The following GRID2 variants were observed in gnomAD, a reference collection of about 807,000 sequenced individuals.
GRID2 encodes the protein glutamate receptor ionotropic, delta-2.
Under a neutral mutation model 114.8 loss-of-function variants are expected in GRID2, and 33 were observed. The observed-to-expected ratio is 0.29, with a 90% CI of 0.22 to 0.38. GRID2 has a LOEUF of 0.38. GRID2 is among the 10% of genes least tolerant of loss of function. The pLI, the probability that GRID2 is intolerant of heterozygous loss-of-function variation, is 1.00. For missense variants in GRID2, 1,184 were observed against 1,257.7 expected (o/e 0.94, Z 0.89); for synonymous variants, 505 against 449.9 (o/e 1.12, Z -1.55).
At chr4:93,703,670 A>G (rs1300881621) in intron 14 of GRID2, among the ~76,000 whole-genome samples, 1 of 105,006 alleles carries the variant, frequency 9.5e-6, no homozygotes, top group African/African-American at 3.8e-5. Context: ...AACAGTCCCC[A>G]GTGTGTGATG....
At chr4:92,903,226 GC>G (rs909809444) in intron 2 of GRID2, among the ~76,000 whole-genome samples, 2 of 150,780 alleles carry the variant, frequency 1.3e-5, no homozygotes, top group African/African-American at 2.4e-5. Context: ...CATCTAATCT[GC>G]CATCTTGAAG....
intron 1 of GRID2, among the ~76,000 whole-genome samples, chr4:92,387,031 G>A (rs143121528): frequency 3.6e-4 from 55 of 151,994 alleles, no homozygotes; most frequent in Admixed American, 8.5e-4. Flanking sequence ...CAGAAAAGAC[G>A]TTTTTGGTCA....
chr4:93,364,031 G>A (rs1217964740), intron 8 of GRID2, among the ~76,000 whole-genome samples: 1 of 151,880 alleles, frequency 6.6e-6, no homozygotes, highest in South Asian at 2.1e-4. Context: ...ATATATGTGT[G>A]TTGTATTCAT....
chr4:92,953,851 CAA>C (rs1752198989), intron 2 of GRID2, among the ~76,000 whole-genome samples: 1 of 151,580 alleles, frequency 6.6e-6, no homozygotes, highest in African/African-American at 2.4e-5. Context: ...ACAACTGAAA[CAA>C]GTTTATGTAT....
intron 2 of GRID2, among the ~76,000 whole-genome samples, chr4:92,648,755 A>G (rs1323676414): frequency 2.0e-5 from 3 of 148,808 alleles, no homozygotes; most frequent in African/African-American, 7.6e-5. Flanking sequence ...TTAGAGTTAA[A>G]ACTTTAGTTC....
At chr4:92,869,690 CAG>C (rs1328044390) in intron 2 of GRID2, among the ~76,000 whole-genome samples, 2 of 152,150 alleles carry the variant, frequency 1.3e-5, no homozygotes, top group African/African-American at 2.4e-5. Context: ...CACATTCAGC[CAG>C]AGTGTTCAGC....
intron 1 of GRID2, among the ~76,000 whole-genome samples, chr4:93,786,396 T>G (rs1346403220): frequency 6.6e-6 from 1 of 152,158 alleles, no homozygotes; most frequent in Non-Finnish European, 1.5e-5. Context: ...AGGAGACACT[T>G]GAGCACATTT....
intron 4 of GRID2, among the ~76,000 whole-genome samples, chr4:93,138,859 T>C (rs1444056861): frequency 6.6e-6 from 1 of 152,224 alleles, no homozygotes; most frequent in Non-Finnish European, 1.5e-5. Flanking sequence ...TAAGATTAGA[T>C]CACTCCTTTA....
intron 2 of GRID2, among the ~76,000 whole-genome samples, chr4:93,040,812 T>C (rs985289022): frequency 2.0e-5 from 3 of 152,120 alleles, no homozygotes; most frequent in Admixed American, 2.0e-4. Flanking sequence ...TCCCACTGTA[T>C]CTGTTATAAA....
At chr4:93,172,519 G>T (rs1022069267) in intron 4 of GRID2, among the ~76,000 whole-genome samples, 7 of 151,886 alleles carry the variant, frequency 4.6e-5, no homozygotes, top group African/African-American at 1.5e-4. Flanking sequence ...TTGAACCTGG[G>T]AGGCACAGGT....
chr4:93,361,760 G>C lies in GRID2; in HGVS notation c.1246-33847G>C, dbSNP rs564074724. The stretch of plus-strand genomic sequence containing the variant: ...GAATGAAAGACAGACACTATGTAAG[G>C]ACAGCAGAGACTGAGGTAAATAGTA... On this transcript the variant is annotated intron_variant, in intron 8 of 15. Coordinates refer to ENST00000282020, the MANE Select transcript of GRID2 (RefSeq NM_001510.4). 7.9e-5 allele frequency among the ~76,000 whole-genome samples: 12 copies of C among 152,156 alleles called. No individual in the cohort carries two copies. The East Asian group carries it at 1.2e-3, about 15-fold the overall frequency.
intron 13 of GRID2, among the ~76,000 whole-genome samples, chr4:93,537,525 C>T (rs887880310): frequency 6.6e-6 from 1 of 151,770 alleles, no homozygotes; most frequent in African/African-American, 2.4e-5. Context: ...TAATTCTTTT[C>T]TTATTTTACT....
chr4:93,140,245 G>A (rs1735650188), intron 4 of GRID2, among the ~76,000 whole-genome samples: 2 of 145,638 alleles, frequency 1.4e-5, no homozygotes, highest in South Asian at 4.3e-4. Context: ...TGCAAGCTAC[G>A]CCTCCCGGGT....
At chr4:93,716,894 T>C (rs945935902) in intron 14 of GRID2, among the ~76,000 whole-genome samples, 1 of 152,094 alleles carries the variant, frequency 6.6e-6, no homozygotes, top group African/African-American at 2.4e-5. Context: ...AATGCAAATT[T>C]TTTTCTTTAG....
At chr4:92,729,790 C>T (rs1736245549) in intron 2 of GRID2, among the ~76,000 whole-genome samples, 1 of 151,140 alleles carries the variant, frequency 6.6e-6, no homozygotes, top group Non-Finnish European at 1.5e-5. Flanking sequence ...GCCAGAGAGT[C>T]CTTGAAGTAT....
chr4:92,689,047 A>G (rs1320515899), intron 2 of GRID2, among the ~76,000 whole-genome samples: 1 of 152,202 alleles, frequency 6.6e-6, no homozygotes, highest in Non-Finnish European at 1.5e-5. Context: ...GATCAAGACC[A>G]GTATCAATGA....
chr4:93,468,137 G>T (rs1020869471), intron 11 of GRID2, among the ~76,000 whole-genome samples: 1 of 152,076 alleles, frequency 6.6e-6, no homozygotes, highest in African/African-American at 2.4e-5. Flanking sequence ...CAAATTTTAT[G>T]TACAGTTTCA....
In GRID2 at chr4:92,408,431, C is replaced by CTTTTTT. The variant is rs35638036; in HGVS notation, c.88+103714_88+103719dup. On this transcript the variant is annotated intron_variant, in intron 1 of 15. Transcript: ENST00000282020. ...TACAATTATATTGCCTATTCAAGCT[C>CTTTTTT]TTTTTTTTTTTTTTTTTTTTTTTTT... 3.0e-3 allele frequency among the ~76,000 whole-genome samples: 58 copies of CTTTTTT among 19,392 alleles called. 3 individuals carry two copies. Among genetic ancestry groups the CTTTTTT allele is most frequent in the East Asian group, 4.7e-3 (2 of 430 alleles). 12.7% of individuals were successfully genotyped at this position (19,392 alleles called of 152,430 possible).
intron 14 of GRID2, among the ~76,000 whole-genome samples, chr4:93,693,784 A>C (rs866181992): frequency 6.6e-6 from 1 of 151,944 alleles, no homozygotes; most frequent in Admixed American, 6.5e-5. Context: ...CCACAGCACC[A>C]GTAATTTGGG....
Sources: gnomAD v4.1 joint callset for allele counts (sites outside exome capture counted in the v4.1 genomes callset) on GRCh38, gnomAD v4.1.1 for gene constraint, MANE v1.5 for transcripts, NCBI Gene and HGNC (gene_info 2026-07-23, HGNC 2026-07-21) for gene names.